CCDC81: variants seen among roughly 807,000 people sequenced by gnomAD.
The protein encoded by CCDC81 is coiled-coil domain containing 81, also known as coiled-coil domain-containing protein 81.
A neutral mutation model predicts 83.7 loss-of-function variants in CCDC81; 79 were observed. The ratio of observed to expected loss-of-function variants is 0.94; its 90% CI spans 0.79 to 1.14. CCDC81 has a LOEUF of 1.14. Ranked by LOEUF, CCDC81 falls within the 50% of genes most tolerant of loss-of-function variation. The pLI is 0.00. For missense variants in CCDC81, 791 were observed against 778.1 expected (o/e 1.02, Z -0.20); for synonymous variants, 252 against 278.1 (o/e 0.91, Z 0.93).
rs1455448196 is a variant in CCDC81, at chr11:86,394,002, A to G, written c.555+1205A>G. On this transcript the variant is annotated intron_variant, in intron 4 of 14. Transcript: ENST00000445632. ...TTAGGAAATGAAGTTGTGCATAATG[A>G]AACTCCTGGTGTTTTCTACACAATC... is the stretch of plus-strand genomic sequence containing the variant. Among the ~76,000 whole-genome samples, 5 of 152,332 alleles carry G rather than the reference A, an allele frequency of 3.3e-5. No individual in the cohort carries two copies. The East Asian group carries it at 9.6e-4, about 29-fold the overall frequency.
chr11:86,404,584 T>C lies in CCDC81; in HGVS notation c.882-3030T>C, dbSNP rs1166363600. On this transcript the variant is annotated intron_variant, in intron 7 of 14. Coordinates refer to ENST00000445632, the MANE Select transcript of CCDC81 (RefSeq NM_001156474.2). The stretch of plus-strand genomic sequence containing the variant: ...GACCACATGGAAATAAGCTGCCACA[T>C]AATGAGAGCCATCAGAAACAAAAGA... Among the ~76,000 whole-genome samples the C allele has an allele frequency of 2.0e-5, 3 of 152,214 alleles. No individual in the cohort carries two copies. In the East Asian group the frequency reaches 5.8e-4, roughly 29 times the overall value.
rs1309386432 is a variant in CCDC81 at position 86,387,667 on chromosome 11, C to T, written c.293C>T (p.Thr98Ile). 1.9e-6 allele frequency: 3 copies of T among 1,591,520 alleles called. No individual in the cohort carries two copies. Among genetic ancestry groups the T allele is most frequent in the South Asian group, 1.1e-5 (1 of 88,416 alleles). Residue 98 changes from threonine (T) to isoleucine (I), a missense_variant, in exon 3 of 15, where the codon ACT (threonine) becomes ATT (isoleucine). Coordinates refer to ENST00000445632, the MANE Select transcript of CCDC81 (RefSeq NM_001156474.2). ...GGACTCAAACAAAACAAAGTATATA[C>T]TCCTGGTAAATAATTCTGATATGTA... ...IHGLKQNKVYTPGEIPIVPLN... is the reference protein window; with the variant it reads ...IHGLKQNKVYIPGEIPIVPLN...
At chr11:86,418,943 G>A (rs752447883) in intron 13 of CCDC81, 2 of 152,040 alleles carry the variant, frequency 1.3e-5, no homozygotes, top group Non-Finnish European at 2.9e-5. Context: ...TTCAGTCATT[G>A]AGCTCCAGTT....
Position 86,409,360 on chromosome 11 carries a change from T to C in CCDC81, c.1213T>C (p.Phe405Leu). The change falls in exon 10 of 15, where the codon TTT becomes CTT. Residue 405 changes from phenylalanine (F) to leucine (L), a missense_variant. Coordinates refer to ENST00000445632, the MANE Select transcript of CCDC81 (RefSeq NM_001156474.2). ...IRNHKNEKPE[F>L]YKSFLFDKRP... Reference sequence around the variant, plus strand: ...AAACCACAAGAATGAGAAACCGGAATTTTATGTAAGTCTTTTAAAAATTTC... The same window carrying C: ...AAACCACAAGAATGAGAAACCGGAACTTTATGTAAGTCTTTTAAAAATTTC... The C allele has an allele frequency of 6.7e-7, 1 of 1,494,318 alleles. No homozygotes were observed. The highest frequency in any genetic ancestry group is 2.5e-5 in the East Asian group (1 of 40,038). The allele number at this position is 1,494,318 out of a possible 1,614,324, so 92.6% of individuals were successfully genotyped here. A position where few individuals can be genotyped will look rare whatever the true frequency, so the allele number is the denominator to read the frequency against.
intron 3 of CCDC81, among the ~76,000 whole-genome samples, chr11:86,392,269 A>G (rs1948341795): frequency 6.6e-6 from 1 of 152,246 alleles, no homozygotes; most frequent in African/African-American, 2.4e-5. Flanking sequence ...GAGAAAATCA[A>G]AAGCTTGTCT....
rs571617903 is a variant in CCDC81, at chr11:86,376,843, C to T, written c.79+1601C>T. Among the ~76,000 whole-genome samples the T allele has an allele frequency of 2.0e-5, 3 of 152,276 alleles. No homozygotes were observed. The South Asian group carries it at 6.2e-4, about 32-fold the overall frequency. ...TTCATAGTTTACATTAGAGTTCTTT[C>T]TTGGTGTTGTACATTTTATGAGTTT... On this transcript the variant is annotated intron_variant, in intron 1 of 14. Transcript: ENST00000445632.
At chr11:86,412,589 T>C (rs1424543538) in intron 11 of CCDC81, 30 bp downstream of exon 11, 1 of 1,552,822 alleles carries the variant, frequency 6.4e-7, no homozygotes, top group African/African-American at 1.4e-5. Flanking sequence ...CTCTGACAAA[T>C]GGATTTGGAA....
At chr11:86,415,831 G>A (rs368074677) in intron 13 of CCDC81, among the ~76,000 whole-genome samples, 1 of 152,128 alleles carries the variant, frequency 6.6e-6, no homozygotes, top group East Asian at 1.9e-4. Flanking sequence ...GTGCCAGCAC[G>A]CCCAGCTAAT....
chr11:86,420,167 C>A, intron 14 of CCDC81, 114 bp downstream of exon 14: 4 of 1,245,962 alleles, frequency 3.2e-6, no homozygotes, highest in Admixed American at 2.3e-5. Flanking sequence ...GTGGAGAAAG[C>A]AAGTCTGTAT....
At chr11:86,376,366 G>A (rs1178839114) in intron 1 of CCDC81, among the ~76,000 whole-genome samples, 1 of 152,158 alleles carries the variant, frequency 6.6e-6, no homozygotes, top group Non-Finnish European at 1.5e-5. Context: ...CCCAGACTGG[G>A]TCATTATAAA....
chr11:86,392,400 T>C lies in CCDC81; in HGVS notation c.299-141T>C, dbSNP rs931786716. Reference sequence around the variant, plus strand: ...AATTGTCTGCAGTAATAATATTACATTGGGTACAACTAAAAGCTTCATCCA... The same window carrying C: ...AATTGTCTGCAGTAATAATATTACACTGGGTACAACTAAAAGCTTCATCCA... On this transcript the variant is annotated intron_variant, in intron 3 of 14. Coordinates refer to ENST00000445632, the MANE Select transcript of CCDC81 (RefSeq NM_001156474.2). 6 of 929,676 alleles carry C rather than the reference T, an allele frequency of 6.5e-6. No individual in the cohort carries two copies. In the African/African-American group the frequency reaches 8.4e-5, roughly 13 times the overall value. The allele number at this position is 929,676 out of a possible 1,614,324, so 57.6% of individuals were successfully genotyped here.
intron 1 of CCDC81, 120 bp from the exon 2 acceptor site, chr11:86,385,931 C>A: frequency 2.5e-6 from 1 of 404,774 alleles, no homozygotes; most frequent in Non-Finnish European, 4.6e-6. Flanking sequence ...CTAAATTAAT[C>A]AGGAATTAAT....
chr11:86,409,180 T>A (rs1377426529), intron 9 of CCDC81, 81 bp from the exon 10 acceptor site: 1 of 606,082 alleles, frequency 1.6e-6, no homozygotes, highest in African/African-American at 1.9e-5. Context: ...TTTAATGTAA[T>A]AGAATTAAAA....
At chr11:86,400,924 T>C (rs1451375340) in intron 7 of CCDC81, 123 bp downstream of exon 7, 2 of 1,011,712 alleles carry the variant, frequency 2.0e-6, no homozygotes, top group African/African-American at 3.2e-5. Context: ...GAGCTTTCTA[T>C]ATGCAACATG....
At chr11:86,377,656 G>T (rs1299980703) in intron 1 of CCDC81, among the ~76,000 whole-genome samples, 2 of 152,098 alleles carry the variant, frequency 1.3e-5, no homozygotes, top group Non-Finnish European at 2.9e-5. Flanking sequence ...GTGTTTTTAA[G>T]AGTTATTTGT....
At chr11:86,388,364 G>A (rs1009886848) in intron 3 of CCDC81, among the ~76,000 whole-genome samples, 1 of 152,094 alleles carries the variant, frequency 6.6e-6, no homozygotes, top group Non-Finnish European at 1.5e-5. Context: ...TGTGGGCTTC[G>A]TAACACCTCC....
intron 7 of CCDC81, among the ~76,000 whole-genome samples, chr11:86,402,251 T>A (rs1948502771): frequency 6.6e-6 from 1 of 151,338 alleles, no homozygotes; most frequent in African/African-American, 2.4e-5. Flanking sequence ...TTATAAAAAA[T>A]CACCCATAAT....
chr11:86,404,275 A>G (rs1041673167), intron 7 of CCDC81, among the ~76,000 whole-genome samples: 1 of 152,202 alleles, frequency 6.6e-6, no homozygotes, highest in African/African-American at 2.4e-5. Flanking sequence ...GGTGGTCTAA[A>G]TAATCTGAAA....
intron 4 of CCDC81, among the ~76,000 whole-genome samples, chr11:86,394,353 G>T (rs1948374502): frequency 6.6e-6 from 1 of 152,210 alleles, no homozygotes; most frequent in African/African-American, 2.4e-5. Flanking sequence ...ACTGAAAACT[G>T]CTGATCGAAT....
Sources: gnomAD v4.1 joint callset for allele counts (sites outside exome capture counted in the v4.1 genomes callset) on GRCh38, gnomAD v4.1.1 for gene constraint, MANE v1.5 for transcripts, NCBI Gene and HGNC (gene_info 2026-07-23, HGNC 2026-07-21) for gene names.